Variants in IL1RAPL2 observed in about 807,000 individuals in gnomAD.
IL1RAPL2 encodes the protein X-linked interleukin-1 receptor accessory protein-like 2.
In IL1RAPL2, 3 loss-of-function variants were observed where a neutral mutation model predicts 44.1. The observed-to-expected ratio is 0.07, with a 90% confidence interval of 0.03 to 0.18. IL1RAPL2 has a LOEUF of 0.18. Ranked by LOEUF, IL1RAPL2 falls within the 10% of genes least tolerant of loss-of-function variation. The pLI is 1.00. For synonymous variants in IL1RAPL2, 181 were observed against 178.8 expected, an observed-to-expected ratio of 1.01 and a Z score of -0.10; for missense variants, 391 against 496.4, an observed-to-expected ratio of 0.79 and a Z score of 2.02.
chrX:104,923,074 C>T (rs1924684950), intron 2 of IL1RAPL2, among the ~76,000 whole-genome samples: 1 of 111,277 alleles, frequency 9.0e-6, no homozygotes, highest in African/African-American at 3.3e-5. Flanking sequence ...GCTTGAAGCC[C>T]AGTCTTTTGA....
At chrX:105,664,619 C>G (rs950744646) in intron 6 of IL1RAPL2, among the ~76,000 whole-genome samples, 5 of 111,565 alleles carry the variant, frequency 4.5e-5, no homozygotes, top group African/African-American at 6.5e-5. Flanking sequence ...ACCCAGATGC[C>G]CCTGTGAGTT....
chrX:104,766,376 TGCCTGCCTGCCTGCC>T (rs1932553598), intron 2 of IL1RAPL2, among the ~76,000 whole-genome samples: 2 of 105,922 alleles, frequency 1.9e-5, no homozygotes, highest in Non-Finnish European at 3.8e-5. Flanking sequence ...CTGGCCTGCC[TGCCTGCCTGCCTGCC>T]TGCCTGCCTG....
At chrX:104,852,526 C>T (rs1251284150) in intron 2 of IL1RAPL2, among the ~76,000 whole-genome samples, 1 of 112,283 alleles carries the variant, frequency 8.9e-6, no homozygotes, top group Non-Finnish European at 1.9e-5. Flanking sequence ...TGGTTTTTAA[C>T]ACAAGCAACT....
At chrX:104,956,232 G>A (rs997696997) in intron 2 of IL1RAPL2, among the ~76,000 whole-genome samples, 6 of 111,711 alleles carry the variant, frequency 5.4e-5, no homozygotes, top group African/African-American at 2.0e-4. Flanking sequence ...AATTGAGGAG[G>A]GAGATCTGGC....
At chrX:105,323,116 T>C (rs2034908378) in intron 5 of IL1RAPL2, among the ~76,000 whole-genome samples, 1 of 111,918 alleles carries the variant, frequency 8.9e-6, no homozygotes, top group African/African-American at 3.2e-5. Context: ...TAGAACCAAA[T>C]ACTTATTTCT....
intron 2 of IL1RAPL2, among the ~76,000 whole-genome samples, chrX:104,777,541 A>AATTATTATTATTATTATTATTATT (rs376271609): frequency 1.2e-5 from 1 of 85,317 alleles, no homozygotes; most frequent in East Asian, 3.7e-4. Flanking sequence ...CTCTGCTTTC[A>AATTATTATTATTATTATTATTATT]ATTATTATTA....
At chrX:105,298,008 G>A (rs765777782) in intron 5 of IL1RAPL2, among the ~76,000 whole-genome samples, 2 of 110,136 alleles carry the variant, frequency 1.8e-5, no homozygotes, top group African/African-American at 3.3e-5. Flanking sequence ...AAACTTGTAT[G>A]TATTTTTGGT....
intron 2 of IL1RAPL2, among the ~76,000 whole-genome samples, chrX:104,886,332 T>G (rs1923242601): frequency 9.9e-6 from 1 of 100,749 alleles, no homozygotes; most frequent in African/African-American, 3.6e-5. Flanking sequence ...ACCTGAAGTC[T>G]GGGCATTGGA....
chrX:104,894,189 C>A (rs1021871209), intron 2 of IL1RAPL2, among the ~76,000 whole-genome samples: 2 of 111,594 alleles, frequency 1.8e-5, no homozygotes, highest in African/African-American at 6.5e-5. Context: ...GTGGGTAACC[C>A]GACCTTTCTC....
intron 2 of IL1RAPL2, among the ~76,000 whole-genome samples, chrX:105,173,762 T>G (rs1369519092): frequency 1.8e-5 from 2 of 108,953 alleles, no homozygotes; most frequent in Non-Finnish European, 3.8e-5. Context: ...AGACAGAGTT[T>G]CGCTTTGTTG....
In IL1RAPL2 at chrX:104,812,485, C is replaced by T. The variant is rs541036255; in HGVS notation, c.82+153490C>T. ...CAATGAGAGTATTACCAGGGACTTC[C>T]TGATGGGGTCTTAGTGAAGAATGAA... is the stretch of plus-strand genomic sequence containing the variant. On this transcript the variant is annotated intron_variant, in intron 2 of 10. Transcript: ENST00000372582. 1.5e-3 allele frequency among the ~76,000 whole-genome samples: 161 copies of T among 110,990 alleles called. 1 individual carries two copies. Among genetic ancestry groups the T allele is most frequent in the African/African-American group, 4.9e-3 (149 of 30,525 alleles).
chrX:105,425,743 G>A (rs1418780403), intron 5 of IL1RAPL2, among the ~76,000 whole-genome samples: 2 of 109,982 alleles, frequency 1.8e-5, no homozygotes, highest in Non-Finnish European at 3.8e-5. Context: ...TTTAAGTTGG[G>A]GAACTAGAAA....
intron 2 of IL1RAPL2, among the ~76,000 whole-genome samples, chrX:104,962,338 T>C (rs5916843): frequency 0.42 from 46,741 of 110,924 alleles, 7,174 homozygotes; most frequent in East Asian, 0.46. Context: ...CTCTTCATGG[T>C]GACTAAGCTA....
At chrX:105,205,315 G>T (rs1556150646) in intron 3 of IL1RAPL2, among the ~76,000 whole-genome samples, 1 of 109,691 alleles carries the variant, frequency 9.1e-6, no homozygotes. Flanking sequence ...AGGGCTGGGT[G>T]CAGTGGCTCA....
intron 4 of IL1RAPL2, among the ~76,000 whole-genome samples, chrX:105,256,064 T>C (rs1333370318): frequency 8.9e-6 from 1 of 111,922 alleles, no homozygotes; most frequent in African/African-American, 3.2e-5. Context: ...AAGTATTTTG[T>C]TGAGGATTTC....
intron 3 of IL1RAPL2, among the ~76,000 whole-genome samples, chrX:105,224,094 G>A (rs1272905405): frequency 3.6e-5 from 4 of 110,233 alleles, no homozygotes; most frequent in African/African-American, 1.3e-4. Context: ...GATGAAGGTT[G>A]GAAGGAGAGA....
At chrX:105,575,441 G>A (rs1377260482) in intron 6 of IL1RAPL2, among the ~76,000 whole-genome samples, 2 of 111,751 alleles carry the variant, frequency 1.8e-5, no homozygotes, top group Non-Finnish European at 3.8e-5. Context: ...TTCTGTTTCT[G>A]TATTAATTTA....
intron 6 of IL1RAPL2, among the ~76,000 whole-genome samples, chrX:105,620,222 G>A (rs767203354): frequency 1.8e-5 from 2 of 111,454 alleles, no homozygotes; most frequent in South Asian, 7.4e-4. Flanking sequence ...TATGTGCTAA[G>A]GAATTTGTAT....
chrX:105,085,028 C>T (rs2032462298), intron 2 of IL1RAPL2, among the ~76,000 whole-genome samples: 1 of 112,035 alleles, frequency 8.9e-6, no homozygotes, highest in African/African-American at 3.3e-5. Flanking sequence ...TGCCTGCTTT[C>T]TCTTCCACCA....
Sources: allele counts gnomAD v4.1 joint callset (sites outside exome capture counted in the v4.1 genomes callset), GRCh38; gene constraint gnomAD v4.1.1; transcripts MANE v1.5; gene names NCBI Gene and HGNC (gene_info 2026-07-23, HGNC 2026-07-21).